The following TPD52 variants were observed in gnomAD, a reference collection of about 807,000 sequenced individuals.
The protein encoded by TPD52 is tumor protein D52.
A neutral mutation model predicts 31.3 loss-of-function variants in TPD52; 17 were observed. That is an observed-to-expected ratio of 0.54 (90% CI 0.37 to 0.82). The LOEUF (loss-of-function observed/expected upper bound fraction) is 0.82. Ranked by LOEUF, TPD52 falls within the 40% of genes least tolerant of loss-of-function variation. TPD52 has a pLI of 0.00. For synonymous variants in TPD52, 83 were observed against 89.6 expected (o/e 0.93, Z 0.42); for missense variants, 212 against 240.1 (o/e 0.88, Z 0.77).
At chr8:80,136,247 G>A (rs1224794286) in intron 1 of TPD52, among the ~76,000 whole-genome samples, 4 of 146,782 alleles carry the variant, frequency 2.7e-5, no homozygotes, top group South Asian at 2.1e-4. Context: ...AACAATGGCC[G>A]GGCGCGGTGG....
intron 1 of TPD52, among the ~76,000 whole-genome samples, chr8:80,169,390 CAT>C (rs1487941916): frequency 6.6e-6 from 1 of 152,086 alleles, no homozygotes; most frequent in Non-Finnish European, 1.5e-5. Context: ...ACCCAAAGAA[CAT>C]ATGGGAAAAT....
chr8:80,117,084 A>T (rs955476179), intron 1 of TPD52, among the ~76,000 whole-genome samples: 3 of 152,194 alleles, frequency 2.0e-5, no homozygotes, highest in African/African-American at 7.2e-5. Flanking sequence ...CCCTAAGACC[A>T]GGAACAGAAA....
At chr8:80,105,732 T>TC (rs1491022733) in intron 1 of TPD52, among the ~76,000 whole-genome samples, 1 of 48,402 alleles carries the variant, frequency 2.1e-5, no homozygotes, top group Non-Finnish European at 4.8e-5. Flanking sequence ...AGGTCTGCTT[T>TC]TTTTTTTTTT....
intron 1 of TPD52, among the ~76,000 whole-genome samples, chr8:80,170,022 G>C (rs563584686): frequency 6.6e-6 from 1 of 152,304 alleles, no homozygotes; most frequent in South Asian, 2.1e-4. Context: ...CATATTGTAT[G>C]TAATGTTTGT....
intron 1 of TPD52, among the ~76,000 whole-genome samples, chr8:80,119,637 CT>C (rs1320436090): frequency 2.0e-5 from 3 of 152,086 alleles, no homozygotes; most frequent in African/African-American, 7.2e-5. Context: ...TTATACCTTG[CT>C]GTTCATGTAA....
intron 1 of TPD52, among the ~76,000 whole-genome samples, chr8:80,094,433 TATATATATATA>T (rs1816540284): frequency 1.8e-4 from 1 of 5,640 alleles, no homozygotes; most frequent in Non-Finnish European, 3.5e-4. Flanking sequence ...GAAAATTTTA[TATATATATATA>T]TATATATATA....
chr8:80,122,311 T>C (rs1193649162), intron 1 of TPD52, among the ~76,000 whole-genome samples: 1 of 151,974 alleles, frequency 6.6e-6, no homozygotes, highest in East Asian at 1.9e-4. Flanking sequence ...GGTGAATGGG[T>C]AGCTGAGTAA....
rs1413969072 is a variant in TPD52 at position 80,140,947 on chromosome 8, A to G, written c.19+30478T>C. On this transcript the variant is annotated intron_variant, in intron 1 of 7. Transcript: ENST00000518937. ...GAGGAGCATTTTCAGGGGCAATACA[A>G]CTCGTGTGTGTGTGTGTGTGTGTGT... Among the ~76,000 whole-genome samples the G allele has an allele frequency of 3.5e-5, 3 of 85,346 alleles. No individual in the cohort carries two copies. In the Admixed American group the frequency reaches 3.8e-4, roughly 11 times the overall value. 56.0% of individuals were successfully genotyped at this position (85,346 alleles called of 152,430 possible).
downstream of TPD52, among the ~76,000 whole-genome samples, chr8:80,033,844 C>G (rs1809755641): frequency 6.6e-6 from 1 of 151,966 alleles, no homozygotes; most frequent in African/African-American, 2.4e-5. Context: ...AAGGGTGGGC[C>G]TGGAAAAAAC....
chr8:80,042,763 C>T (rs1294778062), intron 6 of TPD52, 95 bp from the exon 7 acceptor site: 3 of 1,135,794 alleles, frequency 2.6e-6, no homozygotes, highest in Admixed American at 2.0e-5. Flanking sequence ...CAACATTATT[C>T]TCAATCGGCA....
At chr8:80,086,276 G>A (rs146957662) in intron 1 of TPD52, among the ~76,000 whole-genome samples, 22 of 151,212 alleles carry the variant, frequency 1.5e-4, no homozygotes, top group African/African-American at 4.1e-4. Flanking sequence ...ACACCACCAC[G>A]CCCAGCTAAT....
In TPD52 at chr8:80,154,743, ACACACAC is replaced by A. The variant is rs776697610; in HGVS notation, c.19+16675_19+16681del. 5.8e-3 allele frequency among the ~76,000 whole-genome samples: 387 copies of A among 66,538 alleles called. 5 individuals carry two copies. The East Asian group carries it at 0.12, about 20-fold the overall frequency. The allele number at this position is 66,538 out of a possible 152,430, so 43.7% of individuals were successfully genotyped here. On this transcript the variant is annotated intron_variant, in intron 1 of 7. Coordinates refer to ENST00000518937, the MANE Select transcript of TPD52 (RefSeq NM_001025253.3). ...CACACACACACACACACACACACAC[ACACACAC>A]ACAAAACACCTACATTAGCTTTGAA...
At chr8:80,135,375 G>A (rs1242524379) in intron 1 of TPD52, among the ~76,000 whole-genome samples, 1 of 152,110 alleles carries the variant, frequency 6.6e-6, no homozygotes, top group East Asian at 1.9e-4. Flanking sequence ...CCTCAACAAA[G>A]TTTTATCTCG....
At chr8:80,052,713 A>AGCAT in intron 3 of TPD52, 3 of 1,255,114 alleles carry the variant, frequency 2.4e-6, no homozygotes, top group Non-Finnish European at 3.1e-6. Flanking sequence ...TGATAATGCT[A>AGCAT]TATCATAGCA....
At chr8:80,090,333 A>G (rs544450745) in intron 1 of TPD52, among the ~76,000 whole-genome samples, 52 of 152,328 alleles carry the variant, frequency 3.4e-4, no homozygotes, top group African/African-American at 1.1e-3. Flanking sequence ...CCAGGAGTTC[A>G]AGGCTAGAGT....
intron 1 of TPD52, among the ~76,000 whole-genome samples, chr8:80,127,949 C>G (rs1808745558): frequency 6.6e-6 from 1 of 151,548 alleles, no homozygotes; most frequent in Non-Finnish European, 1.5e-5. Context: ...TTGTTTTTCA[C>G]TTTGTACTCT....
chr8:80,034,238 C>A (rs1809770701), downstream of TPD52, among the ~76,000 whole-genome samples: 1 of 152,180 alleles, frequency 6.6e-6, no homozygotes, highest in South Asian at 2.1e-4. Context: ...CACTTCCAGG[C>A]CTGCATGGGC....
At chr8:80,042,966 C>T (rs1273314480) in intron 6 of TPD52, 1 of 220,158 alleles carries the variant, frequency 4.5e-6, no homozygotes, top group African/African-American at 2.3e-5. Context: ...GGTAAAATAG[C>T]AATTCTGTCA....
At chr8:80,081,148 TTCTC>T (rs1195254617) in intron 1 of TPD52, among the ~76,000 whole-genome samples, 34 of 142,152 alleles carry the variant, frequency 2.4e-4, no homozygotes, top group Non-Finnish European at 3.5e-4. Flanking sequence ...GACTTTTCTT[TTCTC>T]TCTCTTTTTT....
Sources: gnomAD v4.1 joint callset for allele counts (sites outside exome capture counted in the v4.1 genomes callset) on GRCh38, gnomAD v4.1.1 for gene constraint, MANE v1.5 for transcripts, NCBI Gene and HGNC (gene_info 2026-07-23, HGNC 2026-07-21) for gene names.